Variants in GABRG3 observed in about 807,000 individuals in gnomAD.
The protein encoded by GABRG3 is gamma-aminobutyric acid receptor subunit gamma-3.
In GABRG3, 25 loss-of-function variants were observed where a neutral mutation model predicts 48.8. That is an observed-to-expected ratio of 0.51 (90% CI 0.37 to 0.72). The LOEUF (loss-of-function observed/expected upper bound fraction) is 0.72, where lower values mean the gene tolerates loss of function less well. Ranked by LOEUF, GABRG3 falls within the 30% of genes least tolerant of loss-of-function variation. The probability of loss-of-function intolerance (pLI) is 0.00; values close to 1 mark genes in which losing one functional copy is unlikely to be tolerated. For synonymous variants in GABRG3, 227 were observed against 217.6 expected, an observed-to-expected ratio of 1.04 and a Z score of -0.38; for missense variants, 394 against 577.9, an observed-to-expected ratio of 0.68 and a Z score of 3.26.
rs748566817 is a variant in GABRG3 at position 27,532,643 on chromosome 15, T to C, written c.1166T>C (p.Ile389Thr). The C allele has an allele frequency of 1.3e-5, 21 of 1,613,976 alleles. No homozygotes were observed. Among genetic ancestry groups the C allele is most frequent in the Non-Finnish European group, 1.8e-5 (21 of 1,179,894 alleles). ...ATGAGGCCACCACCAACTGCGATGATCACTTTAAACAATTCCGTTTACTGG... is the reference window on the plus strand; with the variant it reads ...ATGAGGCCACCACCAACTGCGATGACCACTTTAAACAATTCCGTTTACTGG... Reference protein sequence around the residue: ...LDMRPPPTAMITLNNSVYWQE... With the variant: ...LDMRPPPTAMTTLNNSVYWQE... The change falls in exon 10 of 10, where the codon ATC (isoleucine) becomes ACC (threonine). Residue 389 changes from isoleucine to threonine, a missense_variant. Physicochemically the swap from Ile to Thr is moderately conservative, Grantham distance 89. This residue lies in a region of GABRG3 where 126 missense variants were observed against 155.5 expected (regional missense o/e 0.81). Transcript: ENST00000615808.
chr15:26,999,143 A>G (rs563695025), intron 2 of GABRG3, among the ~76,000 whole-genome samples: 1 of 151,716 alleles, frequency 6.6e-6, no homozygotes, highest in Non-Finnish European at 1.5e-5. Context: ...AAAAAAAAAA[A>G]CACAATGAAA....
At chr15:27,278,213 G>A (rs1411776160) in intron 3 of GABRG3, among the ~76,000 whole-genome samples, 2 of 151,972 alleles carry the variant, frequency 1.3e-5, no homozygotes, top group Non-Finnish European at 1.5e-5. Context: ...CACCATGCCC[G>A]GCTAATTTTT....
chr15:27,323,810 C>T (rs773580891), intron 3 of GABRG3, among the ~76,000 whole-genome samples: 4 of 152,174 alleles, frequency 2.6e-5, no homozygotes, highest in Non-Finnish European at 4.4e-5. Flanking sequence ...TGGACGGGCT[C>T]CTCTGACAAA....
At chr15:27,324,072 A>G (rs921362706) in intron 3 of GABRG3, among the ~76,000 whole-genome samples, 2 of 152,216 alleles carry the variant, frequency 1.3e-5, no homozygotes, top group African/African-American at 4.8e-5. Flanking sequence ...TATTTGGCAA[A>G]CAGCACCAAT....
intron 5 of GABRG3, among the ~76,000 whole-genome samples, chr15:27,381,674 G>A (rs932038003): frequency 6.6e-6 from 1 of 152,198 alleles, no homozygotes; most frequent in African/African-American, 2.4e-5. Context: ...ACGAGTTTTT[G>A]ATTTTTCAAT....
intron 2 of GABRG3, among the ~76,000 whole-genome samples, chr15:27,015,925 C>T (rs1421400656): frequency 1.3e-5 from 2 of 152,044 alleles, no homozygotes; most frequent in African/African-American, 4.8e-5. Flanking sequence ...TAAGACTTGT[C>T]TTAACAAGTC....
chr15:27,341,322 T>C (rs978037044), intron 5 of GABRG3, among the ~76,000 whole-genome samples: 1 of 152,210 alleles, frequency 6.6e-6, no homozygotes, highest in Non-Finnish European at 1.5e-5. Context: ...AGCTAACCGC[T>C]AGCTTCTTTG....
intron 6 of GABRG3, among the ~76,000 whole-genome samples, chr15:27,491,799 A>C (rs1050720395): frequency 1.3e-5 from 2 of 152,214 alleles, no homozygotes; most frequent in Non-Finnish European, 2.9e-5. Flanking sequence ...AGCCTCACTG[A>C]AGAATTACGA....
chr15:26,992,678 C>CT (rs961856314), intron 2 of GABRG3, among the ~76,000 whole-genome samples: 14 of 151,666 alleles, frequency 9.2e-5, no homozygotes, highest in African/African-American at 1.4e-4. Context: ...CTGTAGTTTT[C>CT]TTTTTTTTGA....
chr15:27,047,005 G>A (rs115846775), intron 3 of GABRG3, among the ~76,000 whole-genome samples: 2,633 of 152,266 alleles, frequency 0.017, 76 homozygotes, highest in African/African-American at 0.061. Flanking sequence ...CCTCTGGGAT[G>A]GTGAAAGACG....
chr15:27,297,165 C>A (rs1892020740), intron 3 of GABRG3, among the ~76,000 whole-genome samples: 2 of 152,056 alleles, frequency 1.3e-5, no homozygotes, highest in Non-Finnish European at 2.9e-5. Flanking sequence ...TATAGTAGTA[C>A]ATATGTTTGC....
intron 3 of GABRG3, among the ~76,000 whole-genome samples, chr15:27,232,063 C>T (rs1477072801): frequency 6.6e-6 from 1 of 152,076 alleles, no homozygotes. Context: ...CCAGCTCTTC[C>T]AATTCTAGTA....
chr15:27,315,263 AACT>A (rs1436097336), intron 3 of GABRG3, among the ~76,000 whole-genome samples: 5 of 152,230 alleles, frequency 3.3e-5, no homozygotes, highest in African/African-American at 1.2e-4. Context: ...CCTTTTAGTG[AACT>A]ACTTCAAAAT....
chr15:27,285,841 C>A (rs1355713104), intron 3 of GABRG3, among the ~76,000 whole-genome samples: 1 of 152,202 alleles, frequency 6.6e-6, no homozygotes, highest in Non-Finnish European at 1.5e-5. Flanking sequence ...ACTGTGTCAG[C>A]AGACCTCCAC....
At chr15:27,178,133 A>C (rs1324124253) in intron 3 of GABRG3, among the ~76,000 whole-genome samples, 1 of 152,140 alleles carries the variant, frequency 6.6e-6, no homozygotes, top group Admixed American at 6.5e-5. Flanking sequence ...TGTTGGGGAA[A>C]AGGTTCAGGA....
intron 3 of GABRG3, among the ~76,000 whole-genome samples, chr15:27,308,793 CAT>C (rs1892870550): frequency 6.7e-6 from 1 of 149,262 alleles, no homozygotes; most frequent in African/African-American, 2.4e-5. Flanking sequence ...ACAATGTAAA[CAT>C]ACGTTTATAT....
intron 3 of GABRG3, among the ~76,000 whole-genome samples, chr15:27,294,235 T>TC (rs1006918655): frequency 4.0e-5 from 6 of 150,286 alleles, no homozygotes; most frequent in African/African-American, 1.5e-4. Context: ...TTTTTTTTTT[T>TC]TTTTTTTGAG....
intron 3 of GABRG3, among the ~76,000 whole-genome samples, chr15:27,127,214 C>T (rs1897835906): frequency 6.6e-6 from 1 of 151,980 alleles, no homozygotes; most frequent in Non-Finnish European, 1.5e-5. Context: ...CAAGGGCTCA[C>T]TGATGGGATG....
chr15:27,102,693 T>A (rs1304029345), intron 3 of GABRG3, among the ~76,000 whole-genome samples: 1 of 152,194 alleles, frequency 6.6e-6, no homozygotes, highest in Non-Finnish European at 1.5e-5. Flanking sequence ...ATGGGTTGAA[T>A]TACAGTATTT....
Sources: gnomAD v4.1 joint callset for allele counts (sites outside exome capture counted in the v4.1 genomes callset) on GRCh38, gnomAD v4.1.1 for gene constraint, gnomAD v4.1.1 regional missense constraint, MANE v1.5 for transcripts, NCBI Gene and HGNC (gene_info 2026-07-23, HGNC 2026-07-21) for gene names.